The following FRMD4A variants were observed in gnomAD, a reference collection of about 807,000 sequenced individuals.
FRMD4A encodes FERM domain-containing protein 4A.
Under a neutral mutation model 129.1 loss-of-function variants are expected in FRMD4A, and 29 were observed. The ratio of observed to expected loss-of-function variants is 0.22; its 90% confidence interval spans 0.17 to 0.31. The LOEUF is 0.31. Ranked by LOEUF, FRMD4A falls within the 10% of genes least tolerant of loss-of-function variation. FRMD4A has a pLI of 1.00. For synonymous variants in FRMD4A, 634 were observed against 571.6 expected, an observed-to-expected ratio of 1.11 and a Z score of -1.56; for missense variants, 1,272 against 1,375.8, an observed-to-expected ratio of 0.92 and a Z score of 1.19.
intron 2 of FRMD4A, among the ~76,000 whole-genome samples, chr10:14,236,059 A>G (rs1270080011): frequency 6.6e-6 from 1 of 152,240 alleles, no homozygotes; most frequent in Admixed American, 6.5e-5. Context: ...TTCATGCACG[A>G]TCATCTGCCA....
At chr10:14,303,770 T>C (rs1374615606) in intron 2 of FRMD4A, among the ~76,000 whole-genome samples, 1 of 152,164 alleles carries the variant, frequency 6.6e-6, no homozygotes, top group African/African-American at 2.4e-5. Context: ...TCCCCCTTAC[T>C]TCTCACCCTT....
chr10:13,670,731 A>C (rs988884519), intron 16 of FRMD4A, among the ~76,000 whole-genome samples: 1 of 152,242 alleles, frequency 6.6e-6, no homozygotes, highest in Non-Finnish European at 1.5e-5. Context: ...TTCTCTAACA[A>C]TGTCTCTTAT....
At chr10:13,973,118 C>A (rs1245277664) in intron 2 of FRMD4A, among the ~76,000 whole-genome samples, 1 of 152,190 alleles carries the variant, frequency 6.6e-6, no homozygotes, top group Non-Finnish European at 1.5e-5. Flanking sequence ...TAATACCTAC[C>A]TCACTAGGTT....
intron 2 of FRMD4A, among the ~76,000 whole-genome samples, chr10:14,182,081 C>A (rs1214014872): frequency 6.6e-6 from 1 of 152,146 alleles, no homozygotes; most frequent in Non-Finnish European, 1.5e-5. Context: ...TTATTTGTGG[C>A]TTTTTCTTTA....
chr10:13,812,479 C>T (rs2093465957), intron 3 of FRMD4A, among the ~76,000 whole-genome samples: 1 of 152,216 alleles, frequency 6.6e-6, no homozygotes, highest in South Asian at 2.1e-4. Flanking sequence ...TTTAATACAA[C>T]AGACATTTAT....
intron 2 of FRMD4A, among the ~76,000 whole-genome samples, chr10:13,908,256 T>G (rs1346430358): frequency 6.6e-6 from 1 of 152,072 alleles, no homozygotes; most frequent in Non-Finnish European, 1.5e-5. Context: ...CTTCTTTGCT[T>G]ATTGAAAGCA....
At chr10:14,305,578 T>G (rs540086349) in intron 2 of FRMD4A, among the ~76,000 whole-genome samples, 43 of 152,310 alleles carry the variant, frequency 2.8e-4, no homozygotes, top group Middle Eastern at 6.8e-3. Context: ...TCTGTTGGAC[T>G]CTTCTTGGTG....
chr10:13,909,716 A>T (rs1292814163), intron 2 of FRMD4A, among the ~76,000 whole-genome samples: 1 of 152,240 alleles, frequency 6.6e-6, no homozygotes, highest in Non-Finnish European at 1.5e-5. Context: ...CATAATAAAA[A>T]ATTTTGAAGA....
At chr10:13,884,837 G>C (rs2094599567) in intron 2 of FRMD4A, among the ~76,000 whole-genome samples, 1 of 152,222 alleles carries the variant, frequency 6.6e-6, no homozygotes, top group African/African-American at 2.4e-5. Context: ...CTTTCTGGAA[G>C]GCTAGGTGAC....
At chr10:14,121,836 C>T (rs1022108904) in intron 2 of FRMD4A, among the ~76,000 whole-genome samples, 1 of 152,200 alleles carries the variant, frequency 6.6e-6, no homozygotes, top group Admixed American at 6.5e-5. Context: ...TTCCCACCTA[C>T]AACTCTGAAC....
At chr10:13,994,998 TA>T (rs936683986) in intron 2 of FRMD4A, among the ~76,000 whole-genome samples, 1 of 152,204 alleles carries the variant, frequency 6.6e-6, no homozygotes, top group African/African-American at 2.4e-5. Flanking sequence ...GGAGTTAAGA[TA>T]AAGGATTAGG....
In FRMD4A at chr10:14,065,240, G is replaced by C. The variant is rs57422799; in HGVS notation, c.46-206328C>G. ...GCTCTGTCACCCAGGCTGGAGTGCAGTAGCACGATCTCAGCTCACTGCAAC... is the reference window on the plus strand; with the variant it reads ...GCTCTGTCACCCAGGCTGGAGTGCACTAGCACGATCTCAGCTCACTGCAAC... On this transcript the variant is annotated intron_variant, in intron 2 of 24. Coordinates refer to ENST00000357447, the MANE Select transcript of FRMD4A (RefSeq NM_018027.5). 2.6e-4 allele frequency among the ~76,000 whole-genome samples: 40 copies of C among 152,246 alleles called. 1 individual carries two copies. In the East Asian group the frequency reaches 7.3e-3, roughly 28 times the overall value.
At position 13,659,484 on chromosome 10, in the gene FRMD4A, G is replaced by A; in HGVS notation, c.1905C>T (p.His635=). The part of the protein sequence containing the change: ...KRSSHSHSSS[H]KRFPSTGSCA... ...AGCTTCCTGTGCTGGGGAAGCGCTT[G>A]TGGCTGCTGCAAAGCCAAGGATGCC... Residue 635 remains histidine (H), a synonymous_variant, in exon 21 of 25, where the codon CAC becomes CAT. Transcript: ENST00000357447. The A allele has an allele frequency of 6.2e-7, 1 of 1,612,254 alleles. No individual in the cohort carries two copies. Among genetic ancestry groups the A allele is most frequent in the Non-Finnish European group, 8.5e-7 (1 of 1,179,068 alleles).
intron 2 of FRMD4A, among the ~76,000 whole-genome samples, chr10:14,309,858 CA>C (rs1277605747): frequency 6.6e-6 from 1 of 152,182 alleles, no homozygotes; most frequent in Non-Finnish European, 1.5e-5. Context: ...CTTCCTATTT[CA>C]AAACCTATTC....
chr10:14,039,624 A>C (rs1833702161), intron 2 of FRMD4A, among the ~76,000 whole-genome samples: 1 of 152,194 alleles, frequency 6.6e-6, no homozygotes, highest in Non-Finnish European at 1.5e-5. Context: ...CCCTCTGCTC[A>C]CTGAGATAAA....
At chr10:13,694,135 C>T (rs992426878) in intron 14 of FRMD4A, 96 bp from the exon 15 acceptor site, 14 of 954,280 alleles carry the variant, frequency 1.5e-5, no homozygotes, top group Admixed American at 3.0e-5. Context: ...CTTGACATTC[C>T]GCAAAGGGAC....
intron 5 of FRMD4A, among the ~76,000 whole-genome samples, chr10:13,789,218 C>G (rs1322244954): frequency 6.6e-6 from 1 of 152,098 alleles, no homozygotes; most frequent in Non-Finnish European, 1.5e-5. Context: ...TAGCAGGAAC[C>G]TCATTTTAGA....
intron 1 of FRMD4A, 58 bp downstream of exon 1, chr10:14,330,539 C>T (rs903096741): frequency 2.0e-5 from 8 of 409,608 alleles, no homozygotes; most frequent in African/African-American, 1.4e-4. Flanking sequence ...GAGCCACCCC[C>T]TCTCTCTGCA....
At chr10:13,671,619 G>C (rs1285343161) in intron 16 of FRMD4A, among the ~76,000 whole-genome samples, 1 of 152,204 alleles carries the variant, frequency 6.6e-6, no homozygotes, top group Non-Finnish European at 1.5e-5. Context: ...CAGTGATCCT[G>C]GTTAAAGGCT....
Sources: gnomAD v4.1 joint callset for allele counts (sites outside exome capture counted in the v4.1 genomes callset) on GRCh38, gnomAD v4.1.1 for gene constraint, MANE v1.5 for transcripts, NCBI Gene and HGNC (gene_info 2026-07-23, HGNC 2026-07-21) for gene names.